The following COL4A1 variants were observed in gnomAD, a reference collection of about 807,000 sequenced individuals.
COL4A1 encodes collagen type IV alpha 1 chain.
A neutral mutation model predicts 216.6 loss-of-function variants in COL4A1; 40 were observed. That is an observed-to-expected ratio of 0.18 (90% CI 0.14 to 0.24). COL4A1 has a LOEUF of 0.24. COL4A1 is among the 10% of genes least tolerant of loss of function. COL4A1 has a pLI of 1.00. For synonymous variants in COL4A1, 839 were observed against 810.7 expected (o/e 1.03, Z -0.59); for missense variants, 1,628 against 2,196.8 (o/e 0.74, Z 5.18).
At chr13:110,163,073 C>G (rs753374526) in intron 47 of COL4A1, among the ~76,000 whole-genome samples, 5 of 152,234 alleles carry the variant, frequency 3.3e-5, no homozygotes, top group African/African-American at 4.8e-5. Context: ...AGTGTGCCTT[C>G]TCCTAAGGAA....
At chr13:110,284,408 G>A (rs1041843313) in intron 1 of COL4A1, among the ~76,000 whole-genome samples, 1 of 152,248 alleles carries the variant, frequency 6.6e-6, no homozygotes, top group African/African-American at 2.4e-5. Flanking sequence ...AAATCAGTAA[G>A]CATGATTTGG....
chr13:110,181,471 T>C (rs551914631), intron 28 of COL4A1, 82 bp from the exon 29 acceptor site: 102 of 1,374,662 alleles, frequency 7.4e-5, no homozygotes, highest in South Asian at 5.6e-4. Context: ...TCACTTTTAG[T>C]CTTGCCCAGA....
At chr13:110,186,244 T>C in intron 26 of COL4A1, 141 bp downstream of exon 26, 1 of 1,063,248 alleles carries the variant, frequency 9.4e-7, no homozygotes, top group Admixed American at 1.8e-5. Context: ...CTTGCCCAGG[T>C]CCTGCCCCAA....
intron 51 of COL4A1, 55 bp from the exon 52 acceptor site, chr13:110,150,499 A>T (rs992034073): frequency 2.3e-5 from 36 of 1,546,886 alleles, no homozygotes; most frequent in Non-Finnish European, 2.3e-5. Flanking sequence ...CACGTCAGAA[A>T]CATGGCACTC....
intron 20 of COL4A1, among the ~76,000 whole-genome samples, chr13:110,199,148 C>T (rs1982314): frequency 0.42 from 64,034 of 152,104 alleles, 13,807 homozygotes; most frequent in Admixed American, 0.49. Flanking sequence ...CACTGTAACT[C>T]TGTAAGGGTA....
intron 1 of COL4A1, among the ~76,000 whole-genome samples, chr13:110,304,169 A>G (rs1456155891): frequency 6.6e-6 from 1 of 152,146 alleles, no homozygotes; most frequent in African/African-American, 2.4e-5. Context: ...GAGCTTGCAG[A>G]TATAAGGAAT....
intron 50 of COL4A1, among the ~76,000 whole-genome samples, chr13:110,153,973 T>C (rs113730512): frequency 2.0e-5 from 3 of 152,294 alleles, no homozygotes; most frequent in African/African-American, 7.2e-5. Context: ...GTGAGTTACC[T>C]TGTTATCTAC....
intron 2 of COL4A1, among the ~76,000 whole-genome samples, chr13:110,229,846 A>G (rs1294436605): frequency 6.6e-6 from 1 of 152,132 alleles, no homozygotes; most frequent in African/African-American, 2.4e-5. Flanking sequence ...GGAAAAGAAA[A>G]AGCCCTATGC....
At chr13:110,206,499 G>A (rs1353907244) in intron 15 of COL4A1, among the ~76,000 whole-genome samples, 166 bp downstream of exon 15, 1 of 152,234 alleles carries the variant, frequency 6.6e-6, no homozygotes, top group Non-Finnish European at 1.5e-5. Context: ...GGGAAGCCTT[G>A]CAACTGATAT....
At chr13:110,174,379 G>A in intron 39 of COL4A1, 67 bp downstream of exon 39, 1 of 1,560,538 alleles carries the variant, frequency 6.4e-7, no homozygotes, top group Non-Finnish European at 8.8e-7. Context: ...GGAACTCCTT[G>A]GGGCCTCCCA....
intron 2 of COL4A1, among the ~76,000 whole-genome samples, chr13:110,239,389 G>A (rs1014271156): frequency 1.3e-5 from 2 of 152,154 alleles, no homozygotes; most frequent in Admixed American, 6.5e-5. Context: ...TCAAAGAGAC[G>A]TGGGAAAATA....
intron 49 of COL4A1, among the ~76,000 whole-genome samples, chr13:110,158,046 C>G (rs1006774782): frequency 5.3e-5 from 8 of 152,180 alleles, no homozygotes; most frequent in Admixed American, 5.2e-4. Context: ...AAAAAGAAAC[C>G]CACAAAAGTT....
At chr13:110,220,738 A>G (rs1280012590) in intron 2 of COL4A1, among the ~76,000 whole-genome samples, 2 of 152,096 alleles carry the variant, frequency 1.3e-5, no homozygotes, top group East Asian at 3.9e-4. Context: ...GATGATGGAG[A>G]TGAGCAAATC....
intron 1 of COL4A1, among the ~76,000 whole-genome samples, chr13:110,288,271 AAAAAAT>A (rs1374085520): frequency 1.0e-4 from 14 of 134,706 alleles, no homozygotes; most frequent in Admixed American, 3.0e-4. Flanking sequence ...TCAAAAAAAA[AAAAAAT>A]AATAATAATA....
intron 2 of COL4A1, among the ~76,000 whole-genome samples, chr13:110,215,434 G>A (rs542984989): frequency 3.3e-5 from 5 of 151,908 alleles, no homozygotes; most frequent in Admixed American, 1.3e-4. Flanking sequence ...AGTGGTGCAC[G>A]CCTGTAATCT....
Position 110,152,456 on chromosome 13 carries a change from G to A in COL4A1, c.4806C>T (p.Gly1602=). Residue 1602 remains glycine, a synonymous_variant, in exon 51 of 52, where the codon GGC becomes GGT. Coordinates refer to ENST00000375820, the MANE Select transcript of COL4A1 (RefSeq NM_001845.6). ...CACTTCTAAACTCCTCCAGGCAGGAGCCGGGGGACGCCAGGGCTTGGCCAG... is the reference window on the plus strand; with the variant it reads ...CACTTCTAAACTCCTCCAGGCAGGAACCGGGGGACGCCAGGGCTTGGCCAG... ...EGSGQALASP[G]SCLEEFRSAP... The A allele has an allele frequency of 6.2e-7, 1 of 1,614,032 alleles. No individual in the cohort carries two copies. The highest frequency in any genetic ancestry group is 1.3e-5 in the African/African-American group (1 of 75,052).
intron 51 of COL4A1, 81 bp downstream of exon 51, chr13:110,152,253 A>G (rs1424898404): frequency 6.3e-7 from 1 of 1,579,872 alleles, no homozygotes; most frequent in Non-Finnish European, 8.6e-7. Flanking sequence ...TTGCATTGGA[A>G]GGTGTTACGG....
intron 1 of COL4A1, 56 bp from the exon 2 acceptor site, chr13:110,242,790 T>A: frequency 6.4e-7 from 1 of 1,573,798 alleles, no homozygotes; most frequent in Non-Finnish European, 8.7e-7. Context: ...GCGAGGGCAC[T>A]ATGCAAATGG....
In COL4A1 at chr13:110,206,683, G is replaced by A. The variant is rs147322861; in HGVS notation, c.840C>T (p.Pro280=). 6.4e-5 allele frequency: 104 copies of A among 1,614,108 alleles called. No individual in the cohort carries two copies. The highest frequency in any genetic ancestry group is 3.3e-4 in the Middle Eastern group (2 of 6,062). The change falls in exon 15 of 52, where the codon CCC becomes CCT. Residue 280 remains proline (P), a synonymous_variant. Transcript: ENST00000375820. ...GMPGVGEKGE[P]GKPGPRGKPG... is the part of the protein sequence containing the mutation. ...CACTTACTCTGGGTCCTGGTTTTCC[G>A]GGTTCACCTTTCTCTCCGACCCCTG...
Sources: allele counts gnomAD v4.1 joint callset (sites outside exome capture counted in the v4.1 genomes callset), GRCh38; gene constraint gnomAD v4.1.1; transcripts MANE v1.5; gene names NCBI Gene and HGNC (gene_info 2026-07-23, HGNC 2026-07-21).